Variants in ADK observed in about 807,000 individuals in gnomAD.
ADK encodes adenosine kinase, also known as N6,N6-dimethyladenosine kinase.
ADK carries 24 observed loss-of-function variants against 44.7 expected under a neutral mutation model. That is an observed-to-expected ratio of 0.54 (90% CI 0.39 to 0.76). ADK has a LOEUF of 0.76. Among genes scored for constraint, ADK ranks in the 30% least tolerant of loss-of-function variants. ADK has a pLI of 0.00. For synonymous variants in ADK, 128 were observed against 142.6 expected (o/e 0.90, Z 0.73); for missense variants, 321 against 425.1 (o/e 0.76, Z 2.15).
At chr10:74,510,974 T>C (rs1464447132) in intron 6 of ADK, among the ~76,000 whole-genome samples, 1 of 152,174 alleles carries the variant, frequency 6.6e-6, no homozygotes, top group Admixed American at 6.5e-5. Context: ...TCCCAAGATG[T>C]TGGGATCACA....
intron 9 of ADK, among the ~76,000 whole-genome samples, chr10:74,626,398 C>T (rs1044638743): frequency 1.3e-5 from 2 of 151,162 alleles, no homozygotes; most frequent in African/African-American, 2.4e-5. Flanking sequence ...CTCCTGAGTT[C>T]AAGCGATTCT....
In ADK at chr10:74,342,779, TTGTGTG is replaced by T. The variant is rs757212421; in HGVS notation, c.273+28066_273+28071del. ...CATGAGCCGCTGTGCCTAGCTCAGT[TTGTGTG>T]TGTGTGTGTGTGTGTGTGTGTGTGT... On this transcript the variant is annotated intron_variant, in intron 4 of 10. Transcript: ENST00000539909. 2.9e-4 allele frequency among the ~76,000 whole-genome samples: 41 copies of T among 141,422 alleles called. 1 individual carries two copies. The highest frequency in any genetic ancestry group is 3.7e-4 in the African/African-American group (14 of 37,520). The allele number at this position is 141,422 out of a possible 152,430, so 92.8% of individuals were successfully genotyped here.
intron 4 of ADK, among the ~76,000 whole-genome samples, chr10:74,379,120 T>G (rs1842905665): frequency 6.6e-6 from 1 of 152,038 alleles, no homozygotes; most frequent in Non-Finnish European, 1.5e-5. Flanking sequence ...TGAGTGTTGT[T>G]GGAAGCATTA....
intron 9 of ADK, among the ~76,000 whole-genome samples, chr10:74,656,766 A>G (rs1854502841): frequency 6.6e-6 from 1 of 152,218 alleles, no homozygotes; most frequent in Non-Finnish European, 1.5e-5. Flanking sequence ...ACCAGTAGCC[A>G]CTCAATAAAT....
At chr10:74,485,386 C>A (rs1458170440) in intron 6 of ADK, among the ~76,000 whole-genome samples, 1 of 151,766 alleles carries the variant, frequency 6.6e-6, no homozygotes, top group African/African-American at 2.4e-5. Flanking sequence ...TGCTTGAGCC[C>A]AGGATGTCAA....
chr10:74,544,551 A>G (rs931933608), intron 7 of ADK, among the ~76,000 whole-genome samples: 1 of 152,202 alleles, frequency 6.6e-6, no homozygotes, highest in Non-Finnish European at 1.5e-5. Flanking sequence ...TATAAATGAA[A>G]GCACAGATAA....
chr10:74,587,097 A>G (rs1851555425), intron 7 of ADK, among the ~76,000 whole-genome samples: 1 of 152,120 alleles, frequency 6.6e-6, no homozygotes, highest in Non-Finnish European at 1.5e-5. Context: ...CATGTCTCTG[A>G]TGAAGTTCCA....
At chr10:74,291,203 T>C (rs538665040) in intron 3 of ADK, among the ~76,000 whole-genome samples, 2 of 152,104 alleles carry the variant, frequency 1.3e-5, no homozygotes, top group Non-Finnish European at 2.9e-5. Flanking sequence ...GATCACGAGG[T>C]CAGGAAATCA....
chr10:74,647,823 C>A (rs994557623), intron 9 of ADK, among the ~76,000 whole-genome samples: 1 of 151,950 alleles, frequency 6.6e-6, no homozygotes, highest in African/African-American at 2.4e-5. Context: ...TGAGGCAAAC[C>A]CTATGCATTT....
At chr10:74,510,419 T>C (rs973064413) in intron 6 of ADK, among the ~76,000 whole-genome samples, 5 of 152,154 alleles carry the variant, frequency 3.3e-5, no homozygotes, top group African/African-American at 1.2e-4. Flanking sequence ...TTTTTTGCTA[T>C]TGAGATGTTT....
chr10:74,190,343 T>C (rs1326053267), intron 1 of ADK, among the ~76,000 whole-genome samples: 1 of 152,224 alleles, frequency 6.6e-6, no homozygotes, highest in Non-Finnish European at 1.5e-5. Flanking sequence ...CTTGACTTCC[T>C]GTTTTGCCGA....
chr10:74,170,187 G>A (rs1190570245), intron 1 of ADK, among the ~76,000 whole-genome samples: 2 of 152,054 alleles, frequency 1.3e-5, no homozygotes, highest in Non-Finnish European at 2.9e-5. Context: ...CCACATTCAT[G>A]TTATGACAGC....
chr10:74,431,183 TCA>T, intron 6 of ADK, among the ~76,000 whole-genome samples: 1 of 151,128 alleles, frequency 6.6e-6, no homozygotes. Flanking sequence ...GAAGAAGAGC[TCA>T]CAAAAATTTT....
At chr10:74,562,138 A>T (rs1377050129) in intron 7 of ADK, among the ~76,000 whole-genome samples, 1 of 152,204 alleles carries the variant, frequency 6.6e-6, no homozygotes, top group Non-Finnish European at 1.5e-5. Flanking sequence ...TCTAGTAGAA[A>T]AGTGAGACAG....
chr10:74,176,953 G>T, intron 1 of ADK: 1 of 1,595,804 alleles, frequency 6.3e-7, no homozygotes, highest in South Asian at 1.1e-5. Context: ...CGTGAGCACT[G>T]TCGCTCCTTC....
In ADK at chr10:74,307,951, C is replaced by T. The variant is rs1840312433; in HGVS notation, c.195-6716C>T. 3.3e-5 allele frequency among the ~76,000 whole-genome samples: 5 copies of T among 152,288 alleles called. No homozygotes were observed. In the South Asian group the frequency reaches 8.3e-4, roughly 25 times the overall value. ...TCCTGCAGTATTTTTCTTTTGCTTA[C>T]ATATGACTTTTTCTTTTTATGATTT... On this transcript the variant is annotated intron_variant, in intron 3 of 10. Coordinates refer to ENST00000539909, the MANE Select transcript of ADK (RefSeq NM_006721.4).
At chr10:74,190,323 C>CAGCACACTTTCAGCACTCA (rs1842917400) in intron 1 of ADK, among the ~76,000 whole-genome samples, 2 of 152,202 alleles carry the variant, frequency 1.3e-5, no homozygotes, top group Non-Finnish European at 2.9e-5. Flanking sequence ...GCTTTCAGTT[C>CAGCACACTTTCAGCACTCA]ATCCATAGCC....
chr10:74,196,442 A>C (rs1334954789), intron 1 of ADK, among the ~76,000 whole-genome samples: 5 of 152,160 alleles, frequency 3.3e-5, no homozygotes, highest in Admixed American at 1.3e-4. Context: ...TGGGAGGCTG[A>C]GGCAGGAGAA....
chr10:74,255,045 G>T (rs1014074644), intron 3 of ADK, among the ~76,000 whole-genome samples: 1 of 152,080 alleles, frequency 6.6e-6, no homozygotes, highest in African/African-American at 2.4e-5. Flanking sequence ...TTTTTGTCAT[G>T]TAACAAAAGA....
Sources: allele counts gnomAD v4.1 joint callset (sites outside exome capture counted in the v4.1 genomes callset), GRCh38; gene constraint gnomAD v4.1.1; transcripts MANE v1.5; gene names NCBI Gene and HGNC (gene_info 2026-07-23, HGNC 2026-07-21).